The following TTC28 variants were observed in gnomAD, a reference collection of about 807,000 sequenced individuals.
The protein encoded by TTC28 is tetratricopeptide repeat domain 28.
TTC28 carries 61 observed loss-of-function variants against 198.0 expected under a neutral mutation model. The observed-to-expected ratio is 0.31, with a 90% CI of 0.25 to 0.38. TTC28 has a LOEUF of 0.38. Among genes scored for constraint, TTC28 ranks in the 10% least tolerant of loss-of-function variants. TTC28 has a pLI of 1.00. For synonymous variants in TTC28, 1,171 were observed against 1,297.8 expected (o/e 0.90, Z 2.10); for missense variants, 2,678 against 3,164.0 (o/e 0.85, Z 3.69).
intron 2 of TTC28, among the ~76,000 whole-genome samples, chr22:28,469,926 C>T (rs1349161048): frequency 6.6e-6 from 1 of 152,176 alleles, no homozygotes; most frequent in East Asian, 1.9e-4. Context: ...ACCTTGAACT[C>T]CTGAGCTCAA....
Position 27,998,738 on chromosome 22 carries a change from G to C in TTC28, c.4921C>G (p.Leu1641Val). 1 of 1,550,848 alleles carries C rather than the reference G, an allele frequency of 6.4e-7. No individual in the cohort carries two copies. Among genetic ancestry groups the C allele is most frequent in the Non-Finnish European group, 8.7e-7 (1 of 1,146,994 alleles). Residue 1641 changes from leucine (L) to valine (V), a missense_variant, in exon 16 of 23, where the codon CTG becomes GTG. Leu to Val is a conservative substitution (Grantham distance 32). Around this residue, in one of 8 missense-constraint regions of TTC28, gnomAD observed 314 missense variants for 442.7 expected, o/e 0.71. Transcript: ENST00000397906. ...CCGGCAGCCAGGAAGGCCCTTGTCA[G>C]CGCGATGACCCCGTCGGCTGTGACT... is the stretch of plus-strand genomic sequence containing the variant. ...SKVTADGVIA[L>V]TRAFLAAGAQ...
At chr22:28,648,545 A>T (rs2051514079) in intron 1 of TTC28, among the ~76,000 whole-genome samples, 1 of 152,248 alleles carries the variant, frequency 6.6e-6, no homozygotes, top group African/African-American at 2.4e-5. Flanking sequence ...ATGCATGCAT[A>T]TGTTTATTGC....
intron 2 of TTC28, among the ~76,000 whole-genome samples, chr22:28,486,519 A>G (rs2048317025): frequency 6.6e-6 from 1 of 152,164 alleles, no homozygotes; most frequent in South Asian, 2.1e-4. Flanking sequence ...TTAAAATCTT[A>G]AGAGAATTAT....
At chr22:28,547,215 A>AGTGTGT (rs113464807) in intron 2 of TTC28, among the ~76,000 whole-genome samples, 12 of 149,596 alleles carry the variant, frequency 8.0e-5, no homozygotes, top group Non-Finnish European at 1.6e-4. Flanking sequence ...TGTGTGTGTG[A>AGTGTGT]GTGTGTGTGT....
chr22:28,369,260 C>G (rs2046293084), intron 2 of TTC28, among the ~76,000 whole-genome samples: 1 of 152,024 alleles, frequency 6.6e-6, no homozygotes, highest in African/African-American at 2.4e-5. Context: ...GAATAGAGAA[C>G]CCAGAAACAA....
At chr22:28,497,121 T>C (rs1161777553) in intron 2 of TTC28, among the ~76,000 whole-genome samples, 2 of 152,210 alleles carry the variant, frequency 1.3e-5, no homozygotes, top group Non-Finnish European at 2.9e-5. Context: ...TGCTTTATTA[T>C]TCTCCACAGA....
chr22:28,644,080 A>T (rs1361832540), intron 1 of TTC28, among the ~76,000 whole-genome samples: 1 of 152,212 alleles, frequency 6.6e-6, no homozygotes, highest in Non-Finnish European at 1.5e-5. Flanking sequence ...TATACTTTTC[A>T]GAATTATTTG....
intron 12 of TTC28, among the ~76,000 whole-genome samples, chr22:28,055,817 C>T (rs537381842): frequency 5.3e-5 from 8 of 152,108 alleles, no homozygotes; most frequent in Non-Finnish European, 1.0e-4. Flanking sequence ...TATCACCACC[C>T]ATCTGTCACT....
In TTC28 at chr22:28,679,738, G is replaced by C; in HGVS notation, c.-15C>G. ...GACTGCTCCATCCCCACGGGGCCCG[G>C]GCCGCGTCCGCCTCGAGCTAACGGT... On this transcript the variant is annotated 5_prime_UTR_variant, in exon 1 of 23. Coordinates refer to ENST00000397906, the MANE Select transcript of TTC28 (RefSeq NM_001145418.2). The C allele has an allele frequency of 8.3e-7, 1 of 1,208,424 alleles. No individual in the cohort carries two copies. The highest frequency in any genetic ancestry group is 1.0e-6 in the Non-Finnish European group (1 of 969,876). 74.9% of individuals were successfully genotyped at this position (1,208,424 alleles called of 1,614,324 possible).
chr22:28,274,109 A>G (rs1038844732), intron 5 of TTC28, among the ~76,000 whole-genome samples: 4 of 152,234 alleles, frequency 2.6e-5, no homozygotes, highest in Non-Finnish European at 5.9e-5. Flanking sequence ...ATACTAGCCT[A>G]TGCTGTTGTA....
At chr22:28,567,479 C>CATATATGTATAT (rs2049992412) in intron 2 of TTC28, among the ~76,000 whole-genome samples, 2 of 51,128 alleles carry the variant, frequency 3.9e-5, no homozygotes, top group African/African-American at 1.4e-4. Context: ...TACATACATA[C>CATATATGTATAT]ATATATATAT....
chr22:28,204,819 C>G (rs1470281316), intron 5 of TTC28, among the ~76,000 whole-genome samples: 1 of 152,086 alleles, frequency 6.6e-6, no homozygotes, highest in Non-Finnish European at 1.5e-5. Flanking sequence ...ACAGGGAACA[C>G]TAGAGAAACA....
intron 14 of TTC28, among the ~76,000 whole-genome samples, chr22:28,013,506 G>A (rs1388498686): frequency 1.3e-5 from 2 of 152,224 alleles, no homozygotes; most frequent in Non-Finnish European, 2.9e-5. Flanking sequence ...ATGCAAGGGT[G>A]TCTTTAACGT....
rs144350540 is a variant in TTC28, at chr22:27,982,850, C to T, written c.6817G>A (p.Gly2273Ser). ...PSQHSGRPSP[G>S]CDSQTSQLDQ... ...AGCTGGGAAGTCTGTGAGTCGCAGCCGGGCGATGGCCGGCCACTGTGCTGG... is the reference window on the plus strand; with the variant it reads ...AGCTGGGAAGTCTGTGAGTCGCAGCTGGGCGATGGCCGGCCACTGTGCTGG... The change falls in exon 23 of 23, where the codon GGC (glycine) becomes AGC (serine). Residue 2273 changes from glycine to serine, a missense_variant. Gly to Ser is a moderately conservative substitution (Grantham distance 56). Coordinates refer to ENST00000397906, the MANE Select transcript of TTC28 (RefSeq NM_001145418.2). This position sits in a 1 kb window ranked among gnomAD's most constrained non-coding sequence, Gnocchi z 5.2. 4.0e-5 allele frequency: 61 copies of T among 1,543,538 alleles called. No individual in the cohort carries two copies. The African/African-American group carries it at 5.1e-4, about 13-fold the overall frequency.
chr22:28,679,142 C>T (rs1233753719), intron 1 of TTC28, among the ~76,000 whole-genome samples: 6 of 152,222 alleles, frequency 3.9e-5, no homozygotes, highest in Non-Finnish European at 7.3e-5. Context: ...CTTTGATGAG[C>T]CACCGACAGA....
chr22:28,389,616 T>C (rs1033812047), intron 2 of TTC28, among the ~76,000 whole-genome samples: 355 of 151,144 alleles, frequency 2.3e-3, no homozygotes, highest in African/African-American at 8.4e-3. Context: ...CTAGATTTTC[T>C]AGTTTATTTG....
chr22:28,339,039 C>G (rs1438380824), intron 2 of TTC28, among the ~76,000 whole-genome samples: 1 of 152,114 alleles, frequency 6.6e-6, no homozygotes, highest in Non-Finnish European at 1.5e-5. Context: ...TGCTGATGTA[C>G]AGATGGGGTT....
At chr22:28,396,718 T>C (rs2046824195) in intron 2 of TTC28, among the ~76,000 whole-genome samples, 1 of 152,154 alleles carries the variant, frequency 6.6e-6, no homozygotes, top group Admixed American at 6.5e-5. Context: ...GAAAATGAAA[T>C]TTATAAGGCT....
intron 1 of TTC28, among the ~76,000 whole-genome samples, chr22:28,645,049 G>A (rs1471135517): frequency 1.3e-5 from 2 of 151,902 alleles, no homozygotes; most frequent in African/African-American, 4.8e-5. Context: ...GGAGGCTGAG[G>A]CAGGAGAATG....
Sources: allele counts gnomAD v4.1 joint callset (sites outside exome capture counted in the v4.1 genomes callset), GRCh38; gene constraint gnomAD v4.1.1; regional missense constraint gnomAD v4.1.1; non-coding constraint Gnocchi (gnomAD v3.1); transcripts MANE v1.5; gene names NCBI Gene and HGNC (gene_info 2026-07-23, HGNC 2026-07-21).